PDE5A: variants seen among roughly 807,000 people sequenced by gnomAD.
PDE5A encodes cGMP-specific 3',5'-cyclic phosphodiesterase.
Under a neutral mutation model 110.2 loss-of-function variants are expected in PDE5A, and 67 were observed. The observed-to-expected ratio is 0.61, with a 90% CI of 0.50 to 0.75. The LOEUF (loss-of-function observed/expected upper bound fraction) is 0.75. Ranked by LOEUF, PDE5A falls within the 30% of genes least tolerant of loss-of-function variation. The pLI, the probability that PDE5A is intolerant of heterozygous loss-of-function variation, is 0.00. For synonymous variants in PDE5A, 328 were observed against 351.2 expected, an observed-to-expected ratio of 0.93 and a Z score of 0.74; for missense variants, 862 against 1,045.1, an observed-to-expected ratio of 0.82 and a Z score of 2.42.
chr4:119,627,911 A>T lies in PDE5A; in HGVS notation c.152+609T>A. On this transcript the variant is annotated intron_variant, in intron 1 of 20. Coordinates refer to ENST00000354960, the MANE Select transcript of PDE5A (RefSeq NM_001083.4). The surrounding 1 kb of genome is among the most constrained non-coding windows in gnomAD (Gnocchi z 4.6). The stretch of plus-strand genomic sequence containing the variant: ...TCTGCAGAGCTCTACTTTTGGCGGC[A>T]CAGCCTTCGGCGGAAAAGCGAGTGA... 2.7e-6 allele frequency: 1 copy of T among 365,764 alleles called. No individual in the cohort carries two copies. Among genetic ancestry groups the T allele is most frequent in the Non-Finnish European group, 3.8e-6 (1 of 263,276 alleles). 22.7% of individuals were successfully genotyped at this position (365,764 alleles called of 1,614,324 possible).
chr4:119,500,658 G>A (rs987050889), intron 20 of PDE5A, among the ~76,000 whole-genome samples: 1 of 151,966 alleles, frequency 6.6e-6, no homozygotes, highest in Non-Finnish European at 1.5e-5. Flanking sequence ...TAATAAGTTA[G>A]ATGTTTTAGG....
In PDE5A at chr4:119,538,966, C is replaced by T. The variant is rs145779947; in HGVS notation, c.1626G>A (p.Ser542=). The T allele has an allele frequency of 1.7e-4, 268 of 1,611,306 alleles. 1 individual carries two copies. The African/African-American group carries it at 1.8e-3, about 11-fold the overall frequency. Residue 542 remains serine (S), a synonymous_variant, in exon 11 of 21, where the codon TCG becomes TCA. Transcript: ENST00000354960. ...AAEEETRELQ[S]LAAAVVPSAQ... is the part of the protein sequence containing the mutation. The stretch of plus-strand genomic sequence containing the variant: ...AAAGAAAGAGGATAATTACCGCTAA[C>T]GACTGTAGCTCTCTTGTTTCTTCCT...
At chr4:119,526,093 TAAG>T (rs1367293241) in intron 11 of PDE5A, among the ~76,000 whole-genome samples, 2 of 152,114 alleles carry the variant, frequency 1.3e-5, no homozygotes, top group Admixed American at 6.6e-5. Context: ...AATCATCTGG[TAAG>T]AAGGGTAATG....
chr4:119,623,795 A>G (rs1426272777), intron 1 of PDE5A, among the ~76,000 whole-genome samples: 1 of 152,234 alleles, frequency 6.6e-6, no homozygotes, highest in Non-Finnish European at 1.5e-5. Context: ...ACTGAAAAAA[A>G]GCTACTGAAT....
chr4:119,627,236 G>A lies in PDE5A; in HGVS notation c.152+1284C>T. The A allele has an allele frequency of 3.1e-6, 5 of 1,607,880 alleles. No individual in the cohort carries two copies. The highest frequency in any genetic ancestry group is 2.2e-5 in the South Asian group (2 of 90,246). On this transcript the variant is annotated intron_variant, in intron 1 of 20. Transcript: ENST00000354960. The surrounding 1 kb of genome is among the most constrained non-coding windows in gnomAD (Gnocchi z 4.6). ...ATCCTGGACTCCAGGAGGCTCCGTAGGGGCAACAACGCGCGCAGGTGAGGT... is the reference window on the plus strand; with the variant it reads ...ATCCTGGACTCCAGGAGGCTCCGTAAGGGCAACAACGCGCGCAGGTGAGGT...
At chr4:119,510,019 A>G (rs1448003950) in intron 15 of PDE5A, among the ~76,000 whole-genome samples, 1 of 151,826 alleles carries the variant, frequency 6.6e-6, no homozygotes, top group Non-Finnish European at 1.5e-5. Flanking sequence ...CCATTCTCCA[A>G]GTATGAAGAG....
chr4:119,611,043 A>G (rs1054899158), intron 1 of PDE5A, among the ~76,000 whole-genome samples: 3 of 152,118 alleles, frequency 2.0e-5, no homozygotes, highest in African/African-American at 7.2e-5. Flanking sequence ...CCATGCCAGC[A>G]TCCTTGGCGC....
intron 9 of PDE5A, among the ~76,000 whole-genome samples, chr4:119,545,482 C>T (rs1163790991): frequency 6.6e-6 from 1 of 152,046 alleles, no homozygotes; most frequent in Non-Finnish European, 1.5e-5. Flanking sequence ...TTAATAAGTG[C>T]AATCACAAAA....
rs1729654487 is a variant in PDE5A, at chr4:119,609,238, A to G, written c.153-1941T>C. Among the ~76,000 whole-genome samples, 3 of 152,262 alleles carry G rather than the reference A, an allele frequency of 2.0e-5. No homozygotes were observed. In the South Asian group the frequency reaches 6.2e-4, roughly 31 times the overall value. ...GTATCCTTTGTTCCAGAGATTTTAC[A>G]CATGTGACAAAGGAAATACAAGGGT... On this transcript the variant is annotated intron_variant, in intron 1 of 20. Coordinates refer to ENST00000354960, the MANE Select transcript of PDE5A (RefSeq NM_001083.4).
In PDE5A at chr4:119,558,939, A is replaced by G. The variant is rs1727641561; in HGVS notation, c.1199+1357T>C. ...CTCAAAAAAAAAAAAAAAAAAAGCT[A>G]ACTTTAAATGTTTAGTTAACATAAG... On this transcript the variant is annotated intron_variant, in intron 7 of 20. Transcript: ENST00000354960. Among the ~76,000 whole-genome samples, 4 of 137,116 alleles carry G rather than the reference A, an allele frequency of 2.9e-5. No homozygotes were observed. The South Asian group carries it at 9.6e-4, about 33-fold the overall frequency. The allele number at this position is 137,116 out of a possible 152,430, so 90.0% of individuals were successfully genotyped here.
chr4:119,516,888 G>A (rs1725927447), intron 14 of PDE5A, among the ~76,000 whole-genome samples: 1 of 152,136 alleles, frequency 6.6e-6, no homozygotes, highest in African/African-American at 2.4e-5. Flanking sequence ...CAAAGTGCTG[G>A]GATTACAGGC....
chr4:119,521,719 C>T (rs1199579036), intron 12 of PDE5A, among the ~76,000 whole-genome samples: 1 of 151,872 alleles, frequency 6.6e-6, no homozygotes, highest in African/African-American at 2.4e-5. Context: ...AAATAAAGCC[C>T]TGGGGTCCAT....
intron 3 of PDE5A, among the ~76,000 whole-genome samples, chr4:119,570,530 C>T (rs1220427325): frequency 6.6e-6 from 1 of 152,182 alleles, no homozygotes; most frequent in East Asian, 1.9e-4. Context: ...TATGTCCTCA[C>T]AGGGTCGAGT....
intron 3 of PDE5A, among the ~76,000 whole-genome samples, chr4:119,580,057 C>T (rs1728533366): frequency 6.6e-6 from 1 of 152,132 alleles, no homozygotes; most frequent in Non-Finnish European, 1.5e-5. Context: ...CAAATCCAGC[C>T]TCTGGGGGTC....
At chr4:119,588,764 T>C (rs980435180) in intron 3 of PDE5A, among the ~76,000 whole-genome samples, 5 of 152,216 alleles carry the variant, frequency 3.3e-5, no homozygotes, top group Non-Finnish European at 7.3e-5. Flanking sequence ...CGCCAAAGTA[T>C]AAATCTCATA....
intron 3 of PDE5A, among the ~76,000 whole-genome samples, chr4:119,582,435 C>T (rs900198994): frequency 6.6e-6 from 1 of 152,212 alleles, no homozygotes; most frequent in Non-Finnish European, 1.5e-5. Flanking sequence ...AGTGATGTCT[C>T]AAACCCTTCA....
chr4:119,505,380 C>A (rs545932105), intron 17 of PDE5A, among the ~76,000 whole-genome samples: 1 of 151,998 alleles, frequency 6.6e-6, no homozygotes, highest in South Asian at 2.1e-4. Flanking sequence ...CAGCTGTGTT[C>A]CACTGGTCTG....
chr4:119,532,822 C>G (rs891353935), intron 11 of PDE5A, among the ~76,000 whole-genome samples: 1 of 152,054 alleles, frequency 6.6e-6, no homozygotes, highest in Admixed American at 6.6e-5. Flanking sequence ...TACATGGCTA[C>G]GCAATTTGCT....
chr4:119,526,194 A>C (rs1349233765), intron 11 of PDE5A, among the ~76,000 whole-genome samples: 1 of 152,120 alleles, frequency 6.6e-6, no homozygotes, highest in African/African-American at 2.4e-5. Flanking sequence ...CAGGAACTTA[A>C]GCACAAAGAG....
Sources: gnomAD v4.1 joint callset for allele counts (sites outside exome capture counted in the v4.1 genomes callset) on GRCh38, gnomAD v4.1.1 for gene constraint, Gnocchi (gnomAD v3.1) non-coding constraint, MANE v1.5 for transcripts, NCBI Gene and HGNC (gene_info 2026-07-23, HGNC 2026-07-21) for gene names.